Variants in SLC25A25 observed in about 807,000 individuals in gnomAD.
The protein encoded by SLC25A25 is solute carrier family 25 member 25.
In SLC25A25, 32 loss-of-function variants were observed where a neutral mutation model predicts 57.7. That is an observed-to-expected ratio of 0.55 (90% CI 0.42 to 0.74). The LOEUF (loss-of-function observed/expected upper bound fraction) is 0.74. Ranked by LOEUF, SLC25A25 falls within the 30% of genes least tolerant of loss-of-function variation. The pLI, the probability that SLC25A25 is intolerant of heterozygous loss-of-function variation, is 0.00. For synonymous variants in SLC25A25, 306 were observed against 291.2 expected (o/e 1.05, Z -0.52); for missense variants, 556 against 701.3 (o/e 0.79, Z 2.34).
At chr9:128,069,056 C>T (rs1832844617) in intron 1 of SLC25A25, among the ~76,000 whole-genome samples, 1 of 152,170 alleles carries the variant, frequency 6.6e-6, no homozygotes, top group South Asian at 2.1e-4. Flanking sequence ...ATTGGGGTTT[C>T]AGGCTGATCC....
rs1834089065 is a variant in SLC25A25 at position 128,107,289 on chromosome 9, A to G, written c.1393A>G (p.Met465Val). 1.3e-6 allele frequency: 2 copies of G among 1,582,432 alleles called. No homozygotes were observed. Among genetic ancestry groups the G allele is most frequent in the African/African-American group, 2.7e-5 (2 of 74,368 alleles). ...TATTGAGGGCGCTCCGGAGGTGACC[A>G]TGAGCAGCCTCTTCAAACATATCCT... ...ASIEGAPEVT[M>V]SSLFKHILRT... Residue 465 changes from methionine (M) to valine (V), a missense_variant, in exon 11 of 11, where the codon ATG (methionine) becomes GTG (valine). By Grantham distance (21) the Met-to-Val change is conservative. Coordinates refer to ENST00000373069, the MANE Select transcript of SLC25A25 (RefSeq NM_001330988.2).
chr9:128,088,383 C>T (rs1397413803), intron 1 of SLC25A25, among the ~76,000 whole-genome samples: 1 of 152,202 alleles, frequency 6.6e-6, no homozygotes, highest in African/African-American at 2.4e-5. Flanking sequence ...GCTGTGACTC[C>T]CTGGGGACCC....
rs1021845748 is a variant in SLC25A25, at chr9:128,101,929, C to T, written c.477-151C>T. The T allele has an allele frequency of 1.1e-6, 1 of 896,670 alleles. No homozygotes were observed. Among genetic ancestry groups the T allele is most frequent in the Non-Finnish European group, 1.8e-6 (1 of 569,662 alleles). 55.5% of individuals were successfully genotyped at this position (896,670 alleles called of 1,614,324 possible). A position where few individuals can be genotyped will look rare whatever the true frequency, so the allele number is the denominator to read the frequency against. On this transcript the variant is annotated intron_variant, in intron 3 of 10. Coordinates refer to ENST00000373069, the MANE Select transcript of SLC25A25 (RefSeq NM_001330988.2). This position sits in a 1 kb window ranked among gnomAD's most constrained non-coding sequence, Gnocchi z 4.9. ...CTGAACACTGGCTGGTCCTCGGGGA[C>T]AGCAGCCCTGGGCTCAGCTGCTGTG...
chr9:128,101,060 G>C lies in SLC25A25; in HGVS notation c.262-36G>C. On this transcript the variant is annotated intron_variant, in intron 1 of 10. Coordinates refer to ENST00000373069, the MANE Select transcript of SLC25A25 (RefSeq NM_001330988.2). This position sits in a 1 kb window ranked among gnomAD's most constrained non-coding sequence, Gnocchi z 4.9. ...CAAGGGACAAGGAAAGGCTGGTCCA[G>C]GAGCCAAAAGACAAAATGTTACCTT... The C allele has an allele frequency of 6.2e-7, 1 of 1,612,998 alleles. No individual in the cohort carries two copies. Among genetic ancestry groups the C allele is most frequent in the Non-Finnish European group, 8.5e-7 (1 of 1,179,674 alleles).
intron 1 of SLC25A25, among the ~76,000 whole-genome samples, chr9:128,087,195 C>T (rs1273585638): frequency 3.9e-5 from 6 of 152,118 alleles, no homozygotes; most frequent in Admixed American, 3.9e-4. Flanking sequence ...GCCTCAGCCT[C>T]CCAAAGTGCT....
At chr9:128,100,933 C>T (rs887993252) in intron 1 of SLC25A25, 163 bp from the exon 2 acceptor site, 9 of 932,396 alleles carry the variant, frequency 9.7e-6, no homozygotes, top group Middle Eastern at 3.4e-4. Flanking sequence ...GCATGTAAGT[C>T]GATTGCCATG....
intron 1 of SLC25A25, chr9:128,098,836 T>G: frequency 6.6e-7 from 1 of 1,518,520 alleles, no homozygotes; most frequent in Non-Finnish European, 8.8e-7. Context: ...ATGTCTGAAA[T>G]GTAGCAGTTT....
intron 1 of SLC25A25, among the ~76,000 whole-genome samples, chr9:128,070,682 T>G (rs1327789995): frequency 6.6e-6 from 1 of 151,610 alleles, no homozygotes; most frequent in Admixed American, 6.6e-5. Context: ...CCGGGCACAG[T>G]GGCTTACGCC....
In SLC25A25 at chr9:128,108,614, T is replaced by G. The variant is rs1435359202; in HGVS notation, c.*1170T>G. On this transcript the variant is annotated 3_prime_UTR_variant, in exon 11 of 11. Transcript: ENST00000373069. ...TTCAAGTTCATTTTTTATTCATATTTATGTTCATGGTTGATTGTACCTTCC... is the reference window on the plus strand; with the variant it reads ...TTCAAGTTCATTTTTTATTCATATTGATGTTCATGGTTGATTGTACCTTCC... 1 of 171,998 alleles carries G rather than the reference T, an allele frequency of 5.8e-6. No individual in the cohort carries two copies. Among genetic ancestry groups the G allele is most frequent in the African/African-American group, 2.4e-5 (1 of 42,340 alleles). The allele number at this position is 171,998 out of a possible 1,614,324, so 10.7% of individuals were successfully genotyped here. A position where few individuals can be genotyped will look rare whatever the true frequency, so the allele number is the denominator to read the frequency against.
chr9:128,098,915 C>T, intron 1 of SLC25A25: 1 of 985,378 alleles, frequency 1.0e-6, no homozygotes, highest in Non-Finnish European at 1.2e-6. Flanking sequence ...CATGTGACTT[C>T]CCAGGAAGGC....
intron 1 of SLC25A25, chr9:128,100,744 G>T (rs943662128): frequency 4.0e-6 from 1 of 248,180 alleles, no homozygotes; most frequent in African/African-American, 2.3e-5. Context: ...AAGCCACCCT[G>T]CTCACCCTGG....
Position 128,101,028 on chromosome 9 carries a change from G to T in SLC25A25, c.262-68G>T. ...TAGTGAAGTCATTGCCTGGGGATGG[G>T]GCCCCACAAGGGACAAGGAAAGGCT... On this transcript the variant is annotated intron_variant, in intron 1 of 10. Coordinates refer to ENST00000373069, the MANE Select transcript of SLC25A25 (RefSeq NM_001330988.2). This position sits in a 1 kb window ranked among gnomAD's most constrained non-coding sequence, Gnocchi z 4.9. 1 of 1,602,226 alleles carries T rather than the reference G, an allele frequency of 6.2e-7. No homozygotes were observed. The highest frequency in any genetic ancestry group is 8.5e-7 in the Non-Finnish European group (1 of 1,174,454).
chr9:128,107,853 G>GCTGC lies in SLC25A25; in HGVS notation c.*417_*420dup, dbSNP rs567835255. 5.0e-6 allele frequency: 2 copies of GCTGC among 401,372 alleles called. No individual in the cohort carries two copies. Among genetic ancestry groups the GCTGC allele is most frequent in the Admixed American group, 4.2e-5 (1 of 23,640 alleles). The allele number at this position is 401,372 out of a possible 1,614,324, so 24.9% of individuals were successfully genotyped here. On this transcript the variant is annotated 3_prime_UTR_variant, in exon 11 of 11. Coordinates refer to ENST00000373069, the MANE Select transcript of SLC25A25 (RefSeq NM_001330988.2). ...GCCGTGCATCTCCCTGTGCCCTCTT[G>GCTGC]CTGCCTGCCTGTCTGCTGAGGTAAG... is the stretch of plus-strand genomic sequence containing the variant.
chr9:128,106,089 G>A (rs1252119928), intron 7 of SLC25A25, 61 bp from the exon 8 acceptor site: 13 of 1,600,302 alleles, frequency 8.1e-6, no homozygotes, highest in Non-Finnish European at 1.1e-5. Flanking sequence ...GGAAGGGAGG[G>A]GCAGCAGCAG....
At chr9:128,091,511 G>A (rs1296606992) in intron 1 of SLC25A25, 25 of 990,742 alleles carry the variant, frequency 2.5e-5, no homozygotes, top group African/African-American at 3.5e-5. Context: ...TGCTGCCTCC[G>A]GGAGTGGTCT....
intron 9 of SLC25A25, 65 bp downstream of exon 9, chr9:128,106,585 CCTT>C (rs1564197390): frequency 2.7e-6 from 4 of 1,505,232 alleles, no homozygotes; most frequent in African/African-American, 1.4e-5. Context: ...CTGTCTCCCT[CCTT>C]GACGGACGCG....
At position 128,099,452 on chromosome 9, in the gene SLC25A25, T is replaced by C; in HGVS notation, c.262-1644T>C. On this transcript the variant is annotated intron_variant, in intron 1 of 10. Transcript: ENST00000373069. This position sits in a 1 kb window ranked among gnomAD's most constrained non-coding sequence, Gnocchi z 6.8. ...CCCCAGGGAGGCATGTGGCTCACCCTGGCAGCAGGCGGCTGGGTCCCAGAG... is the reference window on the plus strand; with the variant it reads ...CCCCAGGGAGGCATGTGGCTCACCCCGGCAGCAGGCGGCTGGGTCCCAGAG... 1 of 1,131,240 alleles carries C rather than the reference T, an allele frequency of 8.8e-7. No individual in the cohort carries two copies. Among genetic ancestry groups the C allele is most frequent in the Non-Finnish European group, 1.1e-6 (1 of 908,462 alleles). 70.1% of individuals were successfully genotyped at this position (1,131,240 alleles called of 1,614,324 possible).
chr9:128,092,535 G>A (rs1203753453), intron 1 of SLC25A25, among the ~76,000 whole-genome samples: 1 of 152,110 alleles, frequency 6.6e-6, no homozygotes, highest in East Asian at 1.9e-4. Flanking sequence ...CCCCTTGCCT[G>A]GGTCCGACCC....
Position 128,101,923 on chromosome 9 carries a change from C to T in SLC25A25, c.477-157C>T, listed in dbSNP as rs936754341. Among the ~76,000 whole-genome samples the T allele has an allele frequency of 3.9e-5, 6 of 152,206 alleles. No homozygotes were observed. Among genetic ancestry groups the T allele is most frequent in the South Asian group, 2.1e-4 (1 of 4,832 alleles). On this transcript the variant is annotated intron_variant, in intron 3 of 10. Coordinates refer to ENST00000373069, the MANE Select transcript of SLC25A25 (RefSeq NM_001330988.2). This position sits in a 1 kb window ranked among gnomAD's most constrained non-coding sequence, Gnocchi z 4.9. ...TGCGGTCTGAACACTGGCTGGTCCTCGGGGACAGCAGCCCTGGGCTCAGCT... is the reference window on the plus strand; with the variant it reads ...TGCGGTCTGAACACTGGCTGGTCCTTGGGGACAGCAGCCCTGGGCTCAGCT...
Sources: allele counts gnomAD v4.1 joint callset (sites outside exome capture counted in the v4.1 genomes callset), GRCh38; gene constraint gnomAD v4.1.1; non-coding constraint Gnocchi (gnomAD v3.1); transcripts MANE v1.5; gene names NCBI Gene and HGNC (gene_info 2026-07-23, HGNC 2026-07-21).